ALDH16A1: variants seen among roughly 807,000 people sequenced by gnomAD.
The protein encoded by ALDH16A1 is aldehyde dehydrogenase family 16 member A1.
In ALDH16A1, 88 loss-of-function variants were observed where a neutral mutation model predicts 96.1. The observed-to-expected ratio is 0.92, with a 90% CI of 0.77 to 1.09. ALDH16A1 has a LOEUF of 1.09. ALDH16A1 is among the 50% of genes least tolerant of loss of function. ALDH16A1 has a pLI of 0.00. For synonymous variants in ALDH16A1, 522 were observed against 496.4 expected (o/e 1.05, Z -0.69); for missense variants, 1,250 against 1,112.6 (o/e 1.12, Z -1.76).
chr19:49,465,851 G>A lies in ALDH16A1; in HGVS notation c.1682G>A (p.Gly561Asp), dbSNP rs563745115. 1.9e-6 allele frequency: 3 copies of A among 1,614,172 alleles called. No homozygotes were observed. The highest frequency in any genetic ancestry group is 2.2e-5 in the East Asian group (1 of 44,890). ...AACCTCCATGGCTACGTGGCTGAGG[G>A]TGGAGCCAAGGACATCCGAGGTGCT... ...SGNLHGYVAE[G>D]GAKDIRGAVE... Residue 561 changes from glycine (G) to aspartate (D), a missense_variant, in exon 13 of 17, where the codon GGT becomes GAT. By Grantham distance (94) the Gly-to-Asp change is moderately conservative. Transcript: ENST00000293350.
chr19:49,455,490 C>G (rs1166785589), intron 1 of ALDH16A1, among the ~76,000 whole-genome samples: 1 of 149,492 alleles, frequency 6.7e-6, no homozygotes, highest in Non-Finnish European at 1.5e-5. Context: ...ACCTGTAGTC[C>G]CAGCTACCCG....
chr19:49,464,539 C>A lies in ALDH16A1; in HGVS notation c.1437+17C>A, dbSNP rs370566117. 1.9e-6 allele frequency: 3 copies of A among 1,613,334 alleles called. No homozygotes were observed. The African/African-American group carries it at 4.0e-5, about 22-fold the overall frequency. ...GGCCCAGACGTGAGTACATCCCCTC[C>A]CCGTCACCAGCCCCCCCGCCGCCCC... On this transcript the variant is annotated intron_variant, in intron 11 of 16. Transcript: ENST00000293350.
intron 13 of ALDH16A1, 25 bp downstream of exon 13, chr19:49,465,930 A>G: frequency 6.2e-7 from 1 of 1,608,670 alleles, no homozygotes; most frequent in African/African-American, 1.3e-5. Flanking sequence ...GGGAAAGCCC[A>G]AGGGTCATGG....
At position 49,461,638 on chromosome 19, in the gene ALDH16A1, C is replaced by T. The variant is rs1243835675; in HGVS notation, c.597C>T (p.Leu199=). Residue 199 remains leucine, a synonymous_variant, in exon 6 of 17, where the codon CTC becomes CTT. Coordinates refer to ENST00000293350, the MANE Select transcript of ALDH16A1 (RefSeq NM_153329.4). The part of the protein sequence containing the change: ...ALAVGCTVVA[L]VPPASPAPLL... ...CCCCAGGCTGCACCGTGGTGGCCCTCGTGCCCCCGGCCTCCCCGGCGCCCC... is the reference window on the plus strand; with the variant it reads ...CCCCAGGCTGCACCGTGGTGGCCCTTGTGCCCCCGGCCTCCCCGGCGCCCC... The T allele has an allele frequency of 3.1e-6, 5 of 1,595,972 alleles. No homozygotes were observed. The highest frequency in any genetic ancestry group is 1.7e-5 in the Admixed American group (1 of 58,508).
intron 1 of ALDH16A1, among the ~76,000 whole-genome samples, chr19:49,457,854 C>T (rs1053729008): frequency 3.9e-5 from 6 of 152,016 alleles, no homozygotes; most frequent in African/African-American, 9.7e-5. Context: ...CAGACCACCT[C>T]GGCCTCCCAA....
intron 1 of ALDH16A1, among the ~76,000 whole-genome samples, chr19:49,453,718 A>C (rs1025652056): frequency 1.4e-4 from 22 of 152,176 alleles, no homozygotes; most frequent in Middle Eastern, 3.4e-3. Flanking sequence ...GTGATTCCTC[A>C]GGGTCCCCTC....
rs1288604860 is a variant in ALDH16A1, at chr19:49,461,886, A to G, written c.762A>G (p.Glu254=). The change falls in exon 7 of 17, where the codon GAA becomes GAG. Residue 254 remains glutamate, a splice_region_variant and synonymous_variant. Coordinates refer to ENST00000293350, the MANE Select transcript of ALDH16A1 (RefSeq NM_153329.4). ...GCTGAACTGGGGGGGGTCCCTAGGA[A>G]GGGCGTGCCCTTCGACGGAGCCTGG... is the stretch of plus-strand genomic sequence containing the variant. The part of the protein sequence containing the change: ...RKVAFCGAPE[E]GRALRRSLAG... 2 of 1,587,000 alleles carry G rather than the reference A, an allele frequency of 1.3e-6. No homozygotes were observed. The highest frequency in any genetic ancestry group is 2.7e-5 in the African/African-American group (2 of 74,056).
intron 7 of ALDH16A1, among the ~76,000 whole-genome samples, chr19:49,462,280 G>A (rs147597282): frequency 0.01 from 1,548 of 152,106 alleles, 14 homozygotes; most frequent in South Asian, 0.015. Context: ...GATTACAGGC[G>A]GGCACCACCA....
At chr19:49,461,837 G>A (rs773327787) in intron 6 of ALDH16A1, 37 bp downstream of exon 6, 1 of 1,601,556 alleles carries the variant, frequency 6.2e-7, no homozygotes, top group Non-Finnish European at 8.5e-7. Flanking sequence ...GAACGCGGCT[G>A]GGGGCCGCAA....
chr19:49,470,287 C>A lies in ALDH16A1; in HGVS notation c.2248-19C>A, dbSNP rs771941178. On this transcript the variant is annotated intron_variant, in intron 16 of 16. Transcript: ENST00000293350. Reference sequence around the variant, plus strand: ...ACAAGCCTGCAGAAGTGCTTACCCCCGTCTCTTCCTCCCCTCAGGGTTCCC... The same window carrying A: ...ACAAGCCTGCAGAAGTGCTTACCCCAGTCTCTTCCTCCCCTCAGGGTTCCC... 3.7e-6 allele frequency: 6 copies of A among 1,612,440 alleles called. No homozygotes were observed. Among genetic ancestry groups the A allele is most frequent in the Non-Finnish European group, 4.2e-6 (5 of 1,179,302 alleles).
rs551087692 is a variant in ALDH16A1 at position 49,466,044 on chromosome 19, C to T, written c.1737-38C>T. 4 of 1,538,848 alleles carry T rather than the reference C, an allele frequency of 2.6e-6. No individual in the cohort carries two copies. In the South Asian group the frequency reaches 3.6e-5, roughly 14 times the overall value. On this transcript the variant is annotated intron_variant, in intron 13 of 16. Coordinates refer to ENST00000293350, the MANE Select transcript of ALDH16A1 (RefSeq NM_153329.4). ...GGTGGGGTGTCAGGAGAGCCAAGAC[C>T]AGGATGCCAACCCCCACTGTGCGCT...
At chr19:49,463,973 C>A in intron 9 of ALDH16A1, 24 bp downstream of exon 9, 1 of 1,594,268 alleles carries the variant, frequency 6.3e-7, no homozygotes, top group Non-Finnish European at 8.6e-7. Context: ...GGCTGCAGAG[C>A]TCCTACCCAC....
intron 9 of ALDH16A1, 26 bp downstream of exon 9, chr19:49,463,975 C>T (rs769883430): frequency 6.3e-7 from 1 of 1,593,560 alleles, no homozygotes; most frequent in Admixed American, 1.7e-5. Flanking sequence ...CTGCAGAGCT[C>T]CTACCCACCG....
At chr19:49,470,145 C>T (rs2079232841) in intron 16 of ALDH16A1, 161 bp from the exon 17 acceptor site, 2 of 839,162 alleles carry the variant, frequency 2.4e-6, no homozygotes, top group African/African-American at 1.7e-5. Flanking sequence ...GTGCTTTTCC[C>T]TACCATCTGG....
At position 49,465,841 on chromosome 19, in the gene ALDH16A1, G is replaced by A. The variant is rs374207735; in HGVS notation, c.1672G>A (p.Val558Met). ...RDSSGNLHGY[V>M]AEGGAKDIRG... is the part of the protein sequence containing the mutation. The stretch of plus-strand genomic sequence containing the variant: ...TTCGTCTGGCAACCTCCATGGCTAC[G>A]TGGCTGAGGGTGGAGCCAAGGACAT... Residue 558 changes from valine (V) to methionine (M), a missense_variant, in exon 13 of 17, where the codon GTG (valine) becomes ATG (methionine). By Grantham distance (21) the Val-to-Met change is conservative (BLOSUM62 1). Coordinates refer to ENST00000293350, the MANE Select transcript of ALDH16A1 (RefSeq NM_153329.4). The A allele has an allele frequency of 2.1e-5, 34 of 1,614,000 alleles. No individual in the cohort carries two copies. The highest frequency in any genetic ancestry group is 1.2e-4 in the South Asian group (11 of 91,088).
At position 49,453,490 on chromosome 19, in the gene ALDH16A1, A is replaced by T. The variant is rs572453178; in HGVS notation, c.90+69A>T. 1.6e-5 allele frequency: 22 copies of T among 1,405,990 alleles called. No individual in the cohort carries two copies. The South Asian group carries it at 2.7e-4, about 17-fold the overall frequency. The allele number at this position is 1,405,990 out of a possible 1,614,324, so 87.1% of individuals were successfully genotyped here. A position where few individuals can be genotyped will look rare whatever the true frequency, so the allele number is the denominator to read the frequency against. On this transcript the variant is annotated intron_variant, in intron 1 of 16. Coordinates refer to ENST00000293350, the MANE Select transcript of ALDH16A1 (RefSeq NM_153329.4). ...CCTGGGCGCCCGGTTTTTCGCGGGG[A>T]GTCCCGTCATCCACTGCGGTAGCTC...
chr19:49,458,341 A>C (rs2079117200), intron 1 of ALDH16A1, 145 bp from the exon 2 acceptor site: 1 of 644,116 alleles, frequency 1.6e-6, no homozygotes. Context: ...TTTACCACAA[A>C]CTTTTTTTTT....
intron 6 of ALDH16A1, 36 bp downstream of exon 6, chr19:49,461,836 T>C: frequency 6.2e-7 from 1 of 1,602,048 alleles, no homozygotes; most frequent in Non-Finnish European, 8.5e-7. Context: ...GGAACGCGGC[T>C]GGGGGCCGCA....
At chr19:49,465,637 G>A in intron 12 of ALDH16A1, 101 bp from the exon 13 acceptor site, 1 of 1,400,058 alleles carries the variant, frequency 7.1e-7, no homozygotes, top group African/African-American at 1.4e-5. Context: ...GGGTGCCCCA[G>A]AGGCTCACGG....
Sources: gnomAD v4.1 joint callset for allele counts (sites outside exome capture counted in the v4.1 genomes callset) on GRCh38, gnomAD v4.1.1 for gene constraint, MANE v1.5 for transcripts, NCBI Gene and HGNC (gene_info 2026-07-23, HGNC 2026-07-21) for gene names.